DAGLA: variants seen among roughly 807,000 people sequenced by gnomAD.
The protein encoded by DAGLA is diacylglycerol lipase alpha, also known as diacylglycerol lipase-alpha.
A neutral mutation model predicts 102.6 loss-of-function variants in DAGLA; 22 were observed. That is an observed-to-expected ratio of 0.21 (90% confidence interval 0.15 to 0.31). DAGLA has a LOEUF of 0.31. Among genes scored for constraint, DAGLA ranks in the 10% least tolerant of loss-of-function variants. The probability of loss-of-function intolerance (pLI) is 1.00; values close to 1 mark genes in which losing one functional copy is unlikely to be tolerated. For missense variants in DAGLA, 927 were observed against 1,446.6 expected (o/e 0.64, Z 5.83); for synonymous variants, 578 against 628.9 (o/e 0.92, Z 1.21).
intron 1 of DAGLA, among the ~76,000 whole-genome samples, chr11:61,701,801 G>A (rs1214478555): frequency 2.6e-5 from 4 of 152,086 alleles, no homozygotes; most frequent in Non-Finnish European, 5.9e-5. Flanking sequence ...TAGAGACAGG[G>A]TTTTGCTCTG....
At chr11:61,735,451 G>T (rs888562749) in intron 10 of DAGLA, 110 bp from the exon 11 acceptor site, 7 of 945,278 alleles carry the variant, frequency 7.4e-6, no homozygotes, top group South Asian at 1.6e-5. Context: ...CAGAGGCTCC[G>T]TGGCTGGTGG....
chr11:61,715,629 T>C (rs1382366883), intron 1 of DAGLA, among the ~76,000 whole-genome samples: 2 of 152,160 alleles, frequency 1.3e-5, no homozygotes, highest in Non-Finnish European at 2.9e-5. Flanking sequence ...GGAGCACTCA[T>C]GGTGGGGGCA....
chr11:61,731,873 T>C (rs992087696), intron 9 of DAGLA, among the ~76,000 whole-genome samples: 2 of 152,090 alleles, frequency 1.3e-5, no homozygotes, highest in Non-Finnish European at 2.9e-5. Context: ...TCGGCTCCCC[T>C]CATGTGCTCT....
At chr11:61,705,676 C>T (rs1454957883) in intron 1 of DAGLA, among the ~76,000 whole-genome samples, 1 of 152,232 alleles carries the variant, frequency 6.6e-6, no homozygotes, top group Non-Finnish European at 1.5e-5. Context: ...AGGGCTGGCA[C>T]CATGTCGGCT....
At chr11:61,714,235 A>G (rs1485021511) in intron 1 of DAGLA, among the ~76,000 whole-genome samples, 2 of 152,152 alleles carry the variant, frequency 1.3e-5, no homozygotes, top group East Asian at 3.9e-4. Context: ...ACTGCTCTTC[A>G]TTCAGCACCA....
At chr11:61,739,844 G>T (rs1368707714) in intron 17 of DAGLA, among the ~76,000 whole-genome samples, 183 bp downstream of exon 17, 1 of 152,224 alleles carries the variant, frequency 6.6e-6, no homozygotes, top group South Asian at 2.1e-4. Flanking sequence ...CAAAAGGCCA[G>T]CCCTGAGCAG....
At chr11:61,725,726 C>A (rs903300297) in intron 5 of DAGLA, among the ~76,000 whole-genome samples, 2 of 152,186 alleles carry the variant, frequency 1.3e-5, no homozygotes, top group African/African-American at 4.8e-5. Flanking sequence ...CTGCTCCCCA[C>A]CTCTCTCTTC....
intron 1 of DAGLA, among the ~76,000 whole-genome samples, chr11:61,705,409 G>T (rs892479730): frequency 1.3e-5 from 2 of 152,136 alleles, no homozygotes; most frequent in Non-Finnish European, 2.9e-5. Flanking sequence ...CTCTCTGCTG[G>T]CCTGACTCTG....
Position 61,723,559 on chromosome 11 carries a change from A to T in DAGLA, c.535A>T (p.Thr179Ser). Residue 179 changes from threonine (T) to serine (S), a missense_variant, in exon 5 of 20, where the codon ACC becomes TCC. Physicochemically the swap from Thr to Ser is moderately conservative, Grantham distance 58. This residue lies in a region of DAGLA where 231 missense variants were observed against 439.8 expected (regional missense o/e 0.53). Transcript: ENST00000257215. ...CAAGAGGAGGCAGCGTAACCTGCGGACCTACAACCTGCGGTCAGTCAGCGG... is the reference window on the plus strand; with the variant it reads ...CAAGAGGAGGCAGCGTAACCTGCGGTCCTACAACCTGCGGTCAGTCAGCGG... ...ATKRRQRNLRTYNLRHRLEEG... is the reference protein window; with the variant it reads ...ATKRRQRNLRSYNLRHRLEEG... 6.2e-7 allele frequency: 1 copy of T among 1,613,514 alleles called. No individual in the cohort carries two copies. Among genetic ancestry groups the T allele is most frequent in the Non-Finnish European group, 8.5e-7 (1 of 1,179,722 alleles).
intron 19 of DAGLA, among the ~76,000 whole-genome samples, chr11:61,741,607 C>CTTTT (rs34881719): frequency 7.6e-6 from 1 of 132,018 alleles, no homozygotes; most frequent in African/African-American, 2.8e-5. Flanking sequence ...CAGATTCACT[C>CTTTT]TTTTTTTTTT....
intron 3 of DAGLA, among the ~76,000 whole-genome samples, chr11:61,721,759 T>G (rs73485442): frequency 0.013 from 1,964 of 152,384 alleles, 48 homozygotes; most frequent in African/African-American, 0.045. Flanking sequence ...TTCTGTGCAC[T>G]GGGCTAGGCC....
chr11:61,691,537 C>T (rs957906935), intron 1 of DAGLA, among the ~76,000 whole-genome samples: 25 of 151,400 alleles, frequency 1.7e-4, no homozygotes, highest in African/African-American at 6.1e-4. Flanking sequence ...GGAGGTGGGA[C>T]CCCCCCCAAC....
chr11:61,704,419 C>T (rs2135563806), intron 1 of DAGLA, among the ~76,000 whole-genome samples: 1 of 152,308 alleles, frequency 6.6e-6, no homozygotes, highest in Non-Finnish European at 1.5e-5. Context: ...TGTGCCCTGC[C>T]CGACCAAAGG....
At chr11:61,730,321 G>T in intron 8 of DAGLA, among the ~76,000 whole-genome samples, 1 of 151,796 alleles carries the variant, frequency 6.6e-6, no homozygotes, top group East Asian at 1.9e-4. Flanking sequence ...GAGGTGCCAG[G>T]GTCACACCTG....
chr11:61,720,868 G>A lies in DAGLA; in HGVS notation c.285G>A (p.Gln95=), dbSNP rs553742435. ...ILYTEPRDSM[Q]YVLYVRLAIL... ...ACACGGAGCCCCGTGACTCCATGCA[G>A]TACGTGCTCTACGTGCGCCTGGGTA... The change falls in exon 3 of 20, where the codon CAG becomes CAA. Residue 95 remains glutamine, a synonymous_variant. Coordinates refer to ENST00000257215, the MANE Select transcript of DAGLA (RefSeq NM_006133.3). 55 of 1,613,190 alleles carry A rather than the reference G, an allele frequency of 3.4e-5. No homozygotes were observed. In the South Asian group the frequency reaches 5.2e-4, roughly 15 times the overall value.
intron 19 of DAGLA, 129 bp from the exon 20 acceptor site, chr11:61,743,403 C>T (rs1413141709): frequency 1.6e-6 from 1 of 641,022 alleles, no homozygotes; most frequent in Non-Finnish European, 2.5e-6. Flanking sequence ...TTCCCTGCTG[C>T]ACATCATCAA....
chr11:61,726,204 C>T (rs546001844), intron 6 of DAGLA, 122 bp downstream of exon 6: 39 of 898,924 alleles, frequency 4.3e-5, no homozygotes, highest in African/African-American at 4.3e-4. Context: ...GGGTTTCCAG[C>T]GTGAGCAAGT....
chr11:61,707,754 C>T (rs1450753798), intron 1 of DAGLA, among the ~76,000 whole-genome samples: 2 of 152,100 alleles, frequency 1.3e-5, no homozygotes, highest in Admixed American at 1.3e-4. Context: ...AATGCCTGGG[C>T]ATGGGGTGCA....
chr11:61,715,861 G>A (rs1036403397), intron 1 of DAGLA, among the ~76,000 whole-genome samples: 3 of 152,344 alleles, frequency 2.0e-5, no homozygotes, highest in African/African-American at 7.2e-5. Context: ...AGTCTGTTCT[G>A]ACCACAGCCT....
Sources: allele counts gnomAD v4.1 joint callset (sites outside exome capture counted in the v4.1 genomes callset), GRCh38; gene constraint gnomAD v4.1.1; regional missense constraint gnomAD v4.1.1; transcripts MANE v1.5; gene names NCBI Gene and HGNC (gene_info 2026-07-23, HGNC 2026-07-21).